RNF213: variants seen among roughly 807,000 people sequenced by gnomAD.
RNF213 encodes E3 ubiquitin-protein ligase RNF213.
A neutral mutation model predicts 514.4 loss-of-function variants in RNF213; 341 were observed. The observed-to-expected ratio is 0.66, with a 90% CI of 0.61 to 0.73. RNF213 has a LOEUF of 0.73. RNF213 is among the 30% of genes least tolerant of loss of function. The pLI is 0.00. For missense variants in RNF213, 5,767 were observed against 6,615.6 expected (o/e 0.87, Z 4.45); for synonymous variants, 2,655 against 2,658.2 (o/e 1.00, Z 0.04).
At chr17:80,383,582 T>C in intron 58 of RNF213, 95 bp from the exon 59 acceptor site, 1 of 1,307,934 alleles carries the variant, frequency 7.6e-7, no homozygotes, top group Non-Finnish European at 1.1e-6. Context: ...AACGCCCTAA[T>C]ATGCAGACAC....
rs2079269374 is a variant in RNF213 at position 80,366,274 on chromosome 17, C to T, written c.11872-1474C>T. ...TGGATATGTACCTTGAAGGGGAATT[C>T]CTGGATCATTTGATAACTCTGTTTA... On this transcript the variant is annotated intron_variant, in intron 42 of 67. Coordinates refer to ENST00000582970, the MANE Select transcript of RNF213 (RefSeq NM_001256071.3). 2.6e-5 allele frequency among the ~76,000 whole-genome samples: 4 copies of T among 152,314 alleles called. No individual in the cohort carries two copies. The South Asian group carries it at 8.3e-4, about 32-fold the overall frequency.
chr17:80,336,609 A>T, intron 23 of RNF213: 3 of 573,188 alleles, frequency 5.2e-6, no homozygotes, highest in African/African-American at 1.9e-5. Context: ...TGCAAAACAC[A>T]CGTGGAAAAA....
At chr17:80,282,246 G>A (rs10871506) in intron 3 of RNF213, among the ~76,000 whole-genome samples, 62,720 of 151,548 alleles carry the variant, frequency 0.41, 13,255 homozygotes, top group East Asian at 0.49. Context: ...GCTACACGGT[G>A]CGGTGTTGCT....
At chr17:80,379,042 G>C (rs1568160024) in intron 54 of RNF213, among the ~76,000 whole-genome samples, 1 of 151,914 alleles carries the variant, frequency 6.6e-6, no homozygotes. Context: ...AGGGCATGGT[G>C]GTGCATGCGT....
intron 17 of RNF213, chr17:80,319,583 A>G: frequency 1.3e-6 from 2 of 1,581,768 alleles, no homozygotes; most frequent in Non-Finnish European, 8.6e-7. Flanking sequence ...CACAAGTCAC[A>G]CGGGCTTGCA....
chr17:80,306,133 T>A, intron 11 of RNF213, 119 bp from the exon 12 acceptor site: 1 of 975,124 alleles, frequency 1.0e-6, no homozygotes, highest in Non-Finnish European at 1.6e-6. Flanking sequence ...TGCCCTCAAG[T>A]AGTATTTAAA....
chr17:80,347,911 T>C lies in RNF213; in HGVS notation c.9576T>C (p.Cys3192=), dbSNP rs1443610256. Residue 3192 remains cysteine (C), a synonymous_variant, in exon 29 of 68, where the codon TGT becomes TGC. Transcript: ENST00000582970. This position sits in a 1 kb window ranked among gnomAD's most constrained non-coding sequence, Gnocchi z 7.2. ...AGAAGAGCATCGTGGAGGAGCTCTG[T>C]GCGTGGGTGGAGAAGTTCATCAATG... The part of the protein sequence containing the change: ...KWQKSIVEEL[C]AWVEKFINVK... The C allele has an allele frequency of 6.2e-7, 1 of 1,614,096 alleles. No individual in the cohort carries two copies. Among genetic ancestry groups the C allele is most frequent in the Non-Finnish European group, 8.5e-7 (1 of 1,180,024 alleles).
In RNF213 at chr17:80,345,297, A is replaced by C; in HGVS notation, c.6962A>C (p.His2321Pro). The change falls in exon 29 of 68, where the codon CAT becomes CCT. Residue 2321 changes from histidine (H) to proline (P), a missense_variant. This residue lies in a region of RNF213 where 1,377 missense variants were observed against 1,635.2 expected (regional missense o/e 0.84). Transcript: ENST00000582970. The surrounding 1 kb of genome is among the most constrained non-coding windows in gnomAD (Gnocchi z 6.0). The stretch of plus-strand genomic sequence containing the variant: ...ACAACCATGACATTCATCGGCTTCC[A>C]TCTGCAGCCCAACATCAACGGCAGT... ...DHTTMTFIGF[H>P]LQPNINGSVD... 6.2e-7 allele frequency: 1 copy of C among 1,614,116 alleles called. No individual in the cohort carries two copies. Among genetic ancestry groups the C allele is most frequent in the Non-Finnish European group, 8.5e-7 (1 of 1,180,018 alleles).
Position 80,386,107 on chromosome 17 carries a change from T to A in RNF213, c.14540-143T>A, listed in dbSNP as rs76805790. 436 of 737,610 alleles carry A rather than the reference T, an allele frequency of 5.9e-4. 5 individuals are homozygous for A. The East Asian group carries it at 9.8e-3, about 17-fold the overall frequency. 45.7% of individuals were successfully genotyped at this position (737,610 alleles called of 1,614,324 possible). On this transcript the variant is annotated intron_variant, in intron 61 of 67. Coordinates refer to ENST00000582970, the MANE Select transcript of RNF213 (RefSeq NM_001256071.3). Reference sequence around the variant, plus strand: ...GGAGCTGAAAGCATTTGAAACTCTATCAGCATATGAGATGGGGCAGAACCG... The same window carrying A: ...GGAGCTGAAAGCATTTGAAACTCTAACAGCATATGAGATGGGGCAGAACCG...
rs538965496 is a variant in RNF213, at chr17:80,298,170, G to C, written c.2013-151G>C. On this transcript the variant is annotated intron_variant, in intron 10 of 67. Transcript: ENST00000582970. Reference sequence around the variant, plus strand: ...TAGGCTGGGGGCTGAGGGAAGCCCTGTCTCCTGCGTGAGTTAAACTCTGCT... The same window carrying C: ...TAGGCTGGGGGCTGAGGGAAGCCCTCTCTCCTGCGTGAGTTAAACTCTGCT... The C allele has an allele frequency of 2.0e-4, 152 of 768,102 alleles. 1 individual carries two copies. Among genetic ancestry groups the C allele is most frequent in the Non-Finnish European group, 2.7e-4 (121 of 455,668 alleles). 47.6% of individuals were successfully genotyped at this position (768,102 alleles called of 1,614,324 possible).
At chr17:80,325,660 T>C (rs1259710806) in intron 18 of RNF213, among the ~76,000 whole-genome samples, 1 of 129,268 alleles carries the variant, frequency 7.7e-6, no homozygotes, top group Admixed American at 7.6e-5. Flanking sequence ...AGTGAAGTAC[T>C]GTGCTGTCTG....
intron 8 of RNF213, among the ~76,000 whole-genome samples, chr17:80,294,029 C>G (rs1030556562): frequency 3.3e-5 from 5 of 152,174 alleles, no homozygotes; most frequent in Non-Finnish European, 4.4e-5. Flanking sequence ...CGGGCGCTTC[C>G]CATTTCTGCC....
In RNF213 at chr17:80,352,873, CT is replaced by C. The variant is rs557898096; in HGVS notation, c.10304-66del. 2.0e-4 allele frequency: 315 copies of C among 1,611,164 alleles called. 2 individuals are homozygous for C. The South Asian group carries it at 3.2e-3, about 17-fold the overall frequency. On this transcript the variant is annotated intron_variant, in intron 32 of 67. Transcript: ENST00000582970. ...TGACAAGCCAGGGTGTGCAATGTCC[CT>C]GCTTAGGGCTGAGCAGCAGCCGGGA...
chr17:80,317,370 C>T lies in RNF213; in HGVS notation c.2901+93C>T, dbSNP rs1421015194. On this transcript the variant is annotated intron_variant, in intron 16 of 67. Transcript: ENST00000582970. This position sits in a 1 kb window ranked among gnomAD's most constrained non-coding sequence, Gnocchi z 4.1. ...GACAGCCAAGAGATCTCAGCAGTGCCTCTCTGTGGGCAGGGATGGGGTGAA... is the reference window on the plus strand; with the variant it reads ...GACAGCCAAGAGATCTCAGCAGTGCTTCTCTGTGGGCAGGGATGGGGTGAA... 1.8e-6 allele frequency: 2 copies of T among 1,111,294 alleles called. No individual in the cohort carries two copies. Among genetic ancestry groups the T allele is most frequent in the East Asian group, 2.4e-5 (1 of 41,392 alleles). 68.8% of individuals were successfully genotyped at this position (1,111,294 alleles called of 1,614,324 possible). A position where few individuals can be genotyped will look rare whatever the true frequency, so the allele number is the denominator to read the frequency against.
At chr17:80,329,426 T>G (rs1174952276) in intron 20 of RNF213, among the ~76,000 whole-genome samples, 1 of 152,260 alleles carries the variant, frequency 6.6e-6, no homozygotes, top group Non-Finnish European at 1.5e-5. Context: ...TCCGATGCAG[T>G]GCCAGTTACA....
At chr17:80,296,376 G>A (rs997452859) in intron 10 of RNF213, among the ~76,000 whole-genome samples, 1 of 152,182 alleles carries the variant, frequency 6.6e-6, no homozygotes. Context: ...CTGTGTGCGC[G>A]TGTTTAGGAG....
At chr17:80,266,811 T>C (rs938743431) in intron 2 of RNF213, among the ~76,000 whole-genome samples, 5 of 152,166 alleles carry the variant, frequency 3.3e-5, no homozygotes, top group Non-Finnish European at 7.3e-5. Context: ...TGGCCTCATG[T>C]CTCTCACTTT....
At chr17:80,364,799 G>A (rs143527185) in intron 42 of RNF213, 4 of 496,510 alleles carry the variant, frequency 8.1e-6, no homozygotes, top group Admixed American at 3.2e-5. Flanking sequence ...GGAACTGTGT[G>A]CAGAAAGGGG....
At chr17:80,279,487 CAG>C (rs1249450139) in intron 3 of RNF213, among the ~76,000 whole-genome samples, 2 of 151,300 alleles carry the variant, frequency 1.3e-5, no homozygotes, top group African/African-American at 4.9e-5. Flanking sequence ...TTTTTTGAGA[CAG>C]AGTCTCGCTC....
Sources: allele counts gnomAD v4.1 joint callset (sites outside exome capture counted in the v4.1 genomes callset), GRCh38; gene constraint gnomAD v4.1.1; regional missense constraint gnomAD v4.1.1; non-coding constraint Gnocchi (gnomAD v3.1); transcripts MANE v1.5; gene names NCBI Gene and HGNC (gene_info 2026-07-23, HGNC 2026-07-21).